Variants in KIAA1217 observed in about 807,000 individuals in gnomAD.
The protein encoded by KIAA1217 is KIAA1217.
Under a neutral mutation model 163.9 loss-of-function variants are expected in KIAA1217, and 88 were observed. The observed-to-expected ratio is 0.54, with a 90% CI of 0.45 to 0.64. The LOEUF is 0.64. Ranked by LOEUF, KIAA1217 falls within the 30% of genes least tolerant of loss-of-function variation. KIAA1217 has a pLI of 0.00. For synonymous variants in KIAA1217, 903 were observed against 923.1 expected (o/e 0.98, Z 0.39); for missense variants, 2,372 against 2,475.0 (o/e 0.96, Z 0.88).
chr10:23,947,163 T>C (rs922593910), intron 1 of KIAA1217, among the ~76,000 whole-genome samples: 1 of 152,190 alleles, frequency 6.6e-6, no homozygotes, highest in East Asian at 1.9e-4. Context: ...CCTTTATAAA[T>C]TACTGAGTCT....
intron 2 of KIAA1217, among the ~76,000 whole-genome samples, chr10:24,074,632 T>C (rs1589401348): frequency 6.6e-6 from 1 of 152,096 alleles, no homozygotes; most frequent in African/African-American, 2.4e-5. Flanking sequence ...TCTTGTTTCT[T>C]TTTTTGCTTT....
At chr10:24,286,970 C>T (rs769972995) in intron 2 of KIAA1217, among the ~76,000 whole-genome samples, 4 of 152,134 alleles carry the variant, frequency 2.6e-5, no homozygotes, top group Non-Finnish European at 4.4e-5. Flanking sequence ...ATACAAAATT[C>T]CTCAGTTCTT....
At chr10:23,951,908 A>G (rs903793716) in intron 1 of KIAA1217, among the ~76,000 whole-genome samples, 1 of 152,194 alleles carries the variant, frequency 6.6e-6, no homozygotes, top group Non-Finnish European at 1.5e-5. Flanking sequence ...TCTATGTGGT[A>G]TAGGCTGGGA....
chr10:24,425,208 C>T (rs954761746), intron 3 of KIAA1217, among the ~76,000 whole-genome samples: 5 of 152,168 alleles, frequency 3.3e-5, no homozygotes, highest in Admixed American at 3.3e-4. Flanking sequence ...CAAATCAAAA[C>T]ATCCTTATTT....
intron 2 of KIAA1217, among the ~76,000 whole-genome samples, chr10:24,190,350 G>T (rs373897420): frequency 1.8e-3 from 271 of 152,276 alleles, no homozygotes; most frequent in African/African-American, 6.3e-3. Context: ...AAACAGCAAA[G>T]CAGGAGGAGG....
chr10:24,273,561 C>T (rs536555912), intron 2 of KIAA1217, among the ~76,000 whole-genome samples: 137 of 152,136 alleles, frequency 9.0e-4, no homozygotes, highest in Non-Finnish European at 1.6e-3. Flanking sequence ...ATTAGAAGTC[C>T]AAGTTATTGG....
At chr10:23,704,475 A>C (rs1836749769) in intron 1 of KIAA1217, among the ~76,000 whole-genome samples, 1 of 151,860 alleles carries the variant, frequency 6.6e-6, no homozygotes, top group South Asian at 2.1e-4. Flanking sequence ...CCAGCCTGTC[A>C]GCCCCTGAAA....
chr10:24,346,183 G>C (rs905597415), intron 2 of KIAA1217, among the ~76,000 whole-genome samples: 1 of 152,182 alleles, frequency 6.6e-6, no homozygotes, highest in African/African-American at 2.4e-5. Context: ...TAATATTCTG[G>C]CCGGGCACCG....
intron 1 of KIAA1217, among the ~76,000 whole-genome samples, chr10:23,873,359 A>T (rs908520907): frequency 1.8e-4 from 27 of 152,032 alleles, no homozygotes; most frequent in Non-Finnish European, 4.4e-5. Context: ...TTTTTCTGAA[A>T]GGTGGCTCTT....
chr10:24,530,764 G>T (rs2072999299), intron 14 of KIAA1217, among the ~76,000 whole-genome samples: 1 of 152,152 alleles, frequency 6.6e-6, no homozygotes, highest in African/African-American at 2.4e-5. Flanking sequence ...TGGGCATGGT[G>T]GCACACACCT....
At chr10:23,835,970 A>G (rs968858558) in intron 1 of KIAA1217, among the ~76,000 whole-genome samples, 6 of 152,172 alleles carry the variant, frequency 3.9e-5, no homozygotes, top group Non-Finnish European at 4.4e-5. Flanking sequence ...CCTCAGTACC[A>G]TAAGAATGTG....
chr10:24,520,675 T>TATATATATATACAC (rs1411092462), intron 11 of KIAA1217, among the ~76,000 whole-genome samples: 16 of 77,468 alleles, frequency 2.1e-4, no homozygotes, highest in East Asian at 6.1e-4. Context: ...TATATATATA[T>TATATATATATACAC]ACACACACAC....
intron 2 of KIAA1217, among the ~76,000 whole-genome samples, chr10:24,183,748 G>A (rs2066290359): frequency 6.6e-6 from 1 of 152,124 alleles, no homozygotes; most frequent in African/African-American, 2.4e-5. Flanking sequence ...TGGTTAGACT[G>A]AATAACTTTC....
At chr10:23,918,733 T>TATATACACACACACACACACAC (rs769797460) in intron 1 of KIAA1217, among the ~76,000 whole-genome samples, 6 of 147,584 alleles carry the variant, frequency 4.1e-5, no homozygotes, top group African/African-American at 1.2e-4. Flanking sequence ...ATTAAATATA[T>TATATACACACACACACACACAC]ACACACACAC....
chr10:24,025,386 A>C (rs1847895919), intron 2 of KIAA1217, among the ~76,000 whole-genome samples: 1 of 151,762 alleles, frequency 6.6e-6, no homozygotes, highest in South Asian at 2.1e-4. Flanking sequence ...ATCTCATCTT[A>C]TTCCAAACAT....
chr10:23,723,813 T>G (rs1588665797), intron 1 of KIAA1217, among the ~76,000 whole-genome samples: 1 of 152,184 alleles, frequency 6.6e-6, no homozygotes, highest in African/African-American at 2.4e-5. Flanking sequence ...TGACAATAAA[T>G]ACATGTGTAT....
At chr10:24,477,805 A>G (rs1343039616) in intron 6 of KIAA1217, among the ~76,000 whole-genome samples, 1 of 152,232 alleles carries the variant, frequency 6.6e-6, no homozygotes. Flanking sequence ...TGTTAAAAAC[A>G]GGAACATCAG....
At position 24,143,927 on chromosome 10, in the gene KIAA1217, C is replaced by A. The variant is rs147539983; in HGVS notation, c.-170-75699C>A. Among the ~76,000 whole-genome samples, 3 of 152,220 alleles carry A rather than the reference C, an allele frequency of 2.0e-5. No individual in the cohort carries two copies. In the East Asian group the frequency reaches 5.8e-4, roughly 29 times the overall value. On this transcript the variant is annotated intron_variant, in intron 2 of 18. Transcript: ENST00000376462. Reference sequence around the variant, plus strand: ...AGTTTTATCAGAAGAGAGTTATGGGCATGGCAGACACTCAATGAATCATGG... The same window carrying A: ...AGTTTTATCAGAAGAGAGTTATGGGAATGGCAGACACTCAATGAATCATGG...
intron 2 of KIAA1217, among the ~76,000 whole-genome samples, chr10:24,133,589 T>C (rs1222781305): frequency 2.7e-5 from 4 of 146,880 alleles, no homozygotes; most frequent in African/African-American, 5.1e-5. Flanking sequence ...AAAAAAAAAA[T>C]GTCTTGCCTA....
Sources: allele counts gnomAD v4.1 joint callset (sites outside exome capture counted in the v4.1 genomes callset), GRCh38; gene constraint gnomAD v4.1.1; transcripts MANE v1.5; gene names NCBI Gene and HGNC (gene_info 2026-07-23, HGNC 2026-07-21).